The following TYW1 variants were observed in gnomAD, a reference collection of about 807,000 sequenced individuals.
TYW1 encodes tRNA-yW synthesizing protein 1 homolog, also known as S-adenosyl-L-methionine-dependent tRNA 4-demethylwyosine synthase TYW1.
TYW1 carries 46 observed loss-of-function variants against 96.2 expected under a neutral mutation model. The ratio of observed to expected loss-of-function variants is 0.48; its 90% CI spans 0.38 to 0.61. The LOEUF is 0.61. TYW1 is among the 20% of genes least tolerant of loss of function. The pLI is 0.00. For synonymous variants in TYW1, 274 were observed against 323.0 expected, an observed-to-expected ratio of 0.85 and a Z score of 1.63; for missense variants, 684 against 909.6, an observed-to-expected ratio of 0.75 and a Z score of 3.19.
chr7:67,231,942 C>A (rs1459009011), intron 15 of TYW1, among the ~76,000 whole-genome samples: 1 of 151,676 alleles, frequency 6.6e-6, no homozygotes, highest in African/African-American at 2.4e-5. Flanking sequence ...AAAAAAAAAT[C>A]TTTTTTGTCA....
At chr7:67,228,449 A>T (rs1407595413) in intron 15 of TYW1, among the ~76,000 whole-genome samples, 1 of 152,188 alleles carries the variant, frequency 6.6e-6, no homozygotes, top group Admixed American at 6.5e-5. Context: ...CCCACAACAC[A>T]TGGGAATTGT....
chr7:67,040,326 T>C (rs1449967335), intron 7 of TYW1, among the ~76,000 whole-genome samples: 1 of 152,130 alleles, frequency 6.6e-6, no homozygotes, highest in Non-Finnish European at 1.5e-5. Flanking sequence ...TCTGCTCTTA[T>C]AATTAACACT....
intron 10 of TYW1, among the ~76,000 whole-genome samples, chr7:67,080,279 T>C (rs1166287122): frequency 6.6e-6 from 1 of 152,216 alleles, no homozygotes; most frequent in African/African-American, 2.4e-5. Context: ...TATTTACAGT[T>C]GTTAGATCCT....
At chr7:67,048,092 A>T (rs1429759042) in intron 7 of TYW1, among the ~76,000 whole-genome samples, 1 of 348 alleles carries the variant, frequency 2.9e-3, no homozygotes, top group Non-Finnish European at 6.5e-3. Context: ...CCAGCCACAT[A>T]TGGGGGACAT....
intron 15 of TYW1, among the ~76,000 whole-genome samples, chr7:67,205,780 C>G (rs1800775432): frequency 6.8e-6 from 1 of 147,882 alleles, no homozygotes; most frequent in Admixed American, 6.8e-5. Context: ...AAGAGAGCAG[C>G]CTTTACTTGG....
At chr7:67,003,847 A>G (rs1793480686) in intron 3 of TYW1, among the ~76,000 whole-genome samples, 1 of 152,062 alleles carries the variant, frequency 6.6e-6, no homozygotes, top group Non-Finnish European at 1.5e-5. Context: ...GTTTGAGATT[A>G]GCCTGGCCAA....
rs187334417 is a variant in TYW1, at chr7:67,151,884, G to A, written c.1699-31242G>A. ...TGCAATGGCCCAATCACAGCTCACT[G>A]CAGCCTCAGTCTCCTGGGCTCAAGC... is the stretch of plus-strand genomic sequence containing the variant. On this transcript the variant is annotated intron_variant, in intron 13 of 15. Coordinates refer to ENST00000359626, the MANE Select transcript of TYW1 (RefSeq NM_018264.4). 5.9e-4 allele frequency among the ~76,000 whole-genome samples: 90 copies of A among 152,218 alleles called. 1 individual carries two copies. Among genetic ancestry groups the A allele is most frequent in the Middle Eastern group, 6.8e-3 (2 of 294 alleles).
At chr7:67,089,157 G>A in intron 11 of TYW1, 1 of 462,256 alleles carries the variant, frequency 2.2e-6, no homozygotes, top group South Asian at 5.5e-5. Context: ...GAGGGGAAGT[G>A]AGGCCCCAGC....
At chr7:67,188,914 C>A (rs1293978797) in intron 14 of TYW1, among the ~76,000 whole-genome samples, 1 of 152,120 alleles carries the variant, frequency 6.6e-6, no homozygotes, top group Non-Finnish European at 1.5e-5. Context: ...TTATTAAGTT[C>A]TTTGATTTTA....
chr7:67,029,415 G>GTGTGTATATATATATA (rs1241213574), intron 7 of TYW1, among the ~76,000 whole-genome samples: 5 of 94,320 alleles, frequency 5.3e-5, no homozygotes, highest in African/African-American at 1.8e-4. Context: ...GTGTGTGTGT[G>GTGTGTATATATATATA]TATATATATA....
intron 9 of TYW1, among the ~76,000 whole-genome samples, chr7:67,065,435 G>A (rs114089648): frequency 0.034 from 5,243 of 152,260 alleles, 267 homozygotes; most frequent in African/African-American, 0.12. Context: ...CTTCAGCTTT[G>A]TTTCTCTAGT....
intron 9 of TYW1, among the ~76,000 whole-genome samples, chr7:67,061,065 T>G (rs924472119): frequency 2.4e-4 from 37 of 152,076 alleles, no homozygotes; most frequent in Non-Finnish European, 7.4e-5. Flanking sequence ...CCGTCTCTAC[T>G]AAAAATACAA....
intron 12 of TYW1, among the ~76,000 whole-genome samples, chr7:67,109,702 G>A (rs113881150): frequency 0.033 from 4,991 of 152,110 alleles, 133 homozygotes; most frequent in South Asian, 0.1. Context: ...CCTACATAGT[G>A]AAACCCTGTC....
chr7:67,140,204 G>T (rs28572546), intron 13 of TYW1, among the ~76,000 whole-genome samples: 1 of 150,062 alleles, frequency 6.7e-6, no homozygotes, highest in Non-Finnish European at 1.5e-5. Flanking sequence ...CTCCTACCAG[G>T]TCCCCCCACA....
intron 15 of TYW1, among the ~76,000 whole-genome samples, chr7:67,233,567 A>C (rs1287512916): frequency 7.4e-6 from 1 of 135,194 alleles, no homozygotes; most frequent in Non-Finnish European, 1.6e-5. Flanking sequence ...GTAATTCTGC[A>C]TAGATTCCGT....
intron 13 of TYW1, among the ~76,000 whole-genome samples, chr7:67,125,052 C>T (rs1450481939): frequency 6.6e-6 from 1 of 151,960 alleles, no homozygotes; most frequent in Non-Finnish European, 1.5e-5. Context: ...AGGCTGGTCT[C>T]GAACTCCTGA....
At chr7:67,044,112 T>G (rs1354830438) in intron 7 of TYW1, among the ~76,000 whole-genome samples, 2 of 61,658 alleles carry the variant, frequency 3.2e-5, no homozygotes, top group South Asian at 5.0e-4. Flanking sequence ...TGAATAAGAG[T>G]TTTTTTTTTT....
chr7:67,077,346 A>G (rs1179236276), intron 10 of TYW1, among the ~76,000 whole-genome samples: 2 of 152,208 alleles, frequency 1.3e-5, no homozygotes, highest in African/African-American at 4.8e-5. Flanking sequence ...TGACTGTGGT[A>G]GTTTACATTG....
chr7:67,216,103 T>C (rs1801191226), intron 15 of TYW1, among the ~76,000 whole-genome samples: 1 of 151,634 alleles, frequency 6.6e-6, no homozygotes, highest in Non-Finnish European at 1.5e-5. Flanking sequence ...ACTGTCCTTA[T>C]CTACCTTGGA....
Sources: allele counts gnomAD v4.1 joint callset (sites outside exome capture counted in the v4.1 genomes callset), GRCh38; gene constraint gnomAD v4.1.1; transcripts MANE v1.5; gene names NCBI Gene and HGNC (gene_info 2026-07-23, HGNC 2026-07-21).